Variants in MGAM observed in about 807,000 individuals in gnomAD.
MGAM encodes the protein alpha-1,4-glucosidase.
In MGAM, 253 loss-of-function variants were observed where a neutral mutation model predicts 358.8. The observed-to-expected ratio is 0.71, with a 90% CI of 0.64 to 0.78. MGAM has a LOEUF of 0.78. Among genes scored for constraint, MGAM ranks in the 30% least tolerant of loss-of-function variants. The pLI, the probability that MGAM is intolerant of heterozygous loss-of-function variation, is 0.00. For synonymous variants in MGAM, 1,105 were observed against 1,227.1 expected (o/e 0.90, Z 2.08); for missense variants, 3,080 against 3,432.6 (o/e 0.90, Z 2.57).
At chr7:142,090,590 C>T (rs1815289706) in intron 57 of MGAM, among the ~76,000 whole-genome samples, 1 of 145,782 alleles carries the variant, frequency 6.9e-6, no homozygotes, top group Admixed American at 6.9e-5. Context: ...CTTTTCTTGC[C>T]CTTTATGTAG....
intron 57 of MGAM, among the ~76,000 whole-genome samples, chr7:142,090,595 A>G (rs930755950): frequency 2.7e-5 from 4 of 145,534 alleles, no homozygotes; most frequent in African/African-American, 7.3e-5. Context: ...CTTGCCCTTT[A>G]TGTAGACATA....
At position 142,036,828 on chromosome 7, in the gene MGAM, G is replaced by T. The variant is rs1554466069; in HGVS notation, c.2082G>T (p.Gln694His). The T allele has an allele frequency of 6.2e-7, 1 of 1,613,230 alleles. No homozygotes were observed. Among genetic ancestry groups the T allele is most frequent in the Non-Finnish European group, 8.5e-7 (1 of 1,179,468 alleles). Residue 694 changes from glutamine (Q) to histidine (H), a missense_variant, in exon 18 of 71, where the codon CAG becomes CAT. Transcript: ENST00000475668. ...AAACTCCTATTTCCTCCCAGGACCA[G>T]GATCCTGCCTCCTTTGGAGCTGACT... is the stretch of plus-strand genomic sequence containing the variant. The part of the protein sequence containing the change: ...RNHNGQGYKD[Q>H]DPASFGADSL...
chr7:142,051,819 A>C (rs1250292780), intron 24 of MGAM, among the ~76,000 whole-genome samples: 1 of 152,144 alleles, frequency 6.6e-6, no homozygotes, highest in Non-Finnish European at 1.5e-5. Flanking sequence ...TTAAAAATTA[A>C]AAAAAGAAAT....
chr7:141,996,890 G>A (rs1804278307), intron 1 of MGAM, among the ~76,000 whole-genome samples: 1 of 152,080 alleles, frequency 6.6e-6, no homozygotes, highest in African/African-American at 2.4e-5. Context: ...TATCTGTCCT[G>A]GCAGTCATGT....
At chr7:142,009,983 A>G (rs1490223685) in intron 3 of MGAM, among the ~76,000 whole-genome samples, 6 of 152,170 alleles carry the variant, frequency 3.9e-5, no homozygotes, top group African/African-American at 1.4e-4. Context: ...TGTCGAAACC[A>G]TTGCTATATA....
intron 1 of MGAM, among the ~76,000 whole-genome samples, chr7:142,002,419 T>C (rs781796078): frequency 3.3e-5 from 5 of 152,050 alleles, no homozygotes; most frequent in Non-Finnish European, 4.4e-5. Flanking sequence ...TGATTCAACA[T>C]GCACAATTCC....
In MGAM at chr7:142,070,038, A is replaced by G. The variant is rs1428600818; in HGVS notation, c.5062-956A>G. Among the ~76,000 whole-genome samples, 16 of 144,454 alleles carry G rather than the reference A, an allele frequency of 1.1e-4. 1 individual carries two copies. Among genetic ancestry groups the G allele is most frequent in the Non-Finnish European group, 1.6e-5 (1 of 63,800 alleles). 94.8% of individuals were successfully genotyped at this position (144,454 alleles called of 152,430 possible). The stretch of plus-strand genomic sequence containing the variant: ...GAAACCCCATCTCTATGAAAAATAA[A>G]AACAATTAGCCGGGTGTAGGGGCAT... On this transcript the variant is annotated intron_variant, in intron 43 of 70. Coordinates refer to ENST00000475668, the MANE Select transcript of MGAM (RefSeq NM_001365693.1).
intron 37 of MGAM, 34 bp from the exon 38 acceptor site, chr7:142,065,301 T>G (rs2129043558): frequency 6.3e-7 from 1 of 1,595,494 alleles, no homozygotes; most frequent in African/African-American, 1.3e-5. Context: ...CCCTGGCTGT[T>G]GCCTCAGTTC....
At chr7:142,041,881 T>C (rs1808618723) in intron 21 of MGAM, among the ~76,000 whole-genome samples, 1 of 80,368 alleles carries the variant, frequency 1.2e-5, no homozygotes, top group Non-Finnish European at 2.3e-5. Flanking sequence ...ATTATATATA[T>C]ACGTATAATA....
Position 142,064,521 on chromosome 7 carries a change from G to A in MGAM, c.4483G>A (p.Glu1495Lys), listed in dbSNP as rs374771873. The A allele has an allele frequency of 1.5e-5, 23 of 1,571,400 alleles. No individual in the cohort carries two copies. The highest frequency in any genetic ancestry group is 9.4e-5 in the South Asian group (8 of 85,242). Reference sequence around the variant, plus strand: ...GTGGTCCCAGACCAGACCCACATACGAGTGAGTCTCCGTCTCCCTTCTCCA... The same window carrying A: ...GTGGTCCCAGACCAGACCCACATACAAGTGAGTCTCCGTCTCCCTTCTCCA... The part of the protein sequence containing the change: ...YGWSQTRPTY[E>K]AVQEVTGQRG... The change falls in exon 37 of 71, where the codon GAA becomes AAA. Residue 1495 changes from glutamate (E) to lysine (K), a missense_variant and splice_region_variant. Transcript: ENST00000475668.
chr7:142,059,610 G>C lies in MGAM; in HGVS notation c.3948+10G>C. On this transcript the variant is annotated intron_variant, in intron 32 of 70. Transcript: ENST00000475668. Reference sequence around the variant, plus strand: ...GGTCATCCTCATTCTGGTTAGTCCTGATGTGAATGTGTGCGGTCTGTTTGG... The same window carrying C: ...GGTCATCCTCATTCTGGTTAGTCCTCATGTGAATGTGTGCGGTCTGTTTGG... 1 of 1,611,900 alleles carries C rather than the reference G, an allele frequency of 6.2e-7. No homozygotes were observed. Among genetic ancestry groups the C allele is most frequent in the Non-Finnish European group, 8.5e-7 (1 of 1,178,256 alleles).
chr7:142,093,801 T>G (rs1162613129), intron 60 of MGAM, among the ~76,000 whole-genome samples: 1 of 146,042 alleles, frequency 6.8e-6, no homozygotes, highest in Non-Finnish European at 1.6e-5. Context: ...TGGGAAAGAC[T>G]CACATGGAGA....
rs186171437 is a variant in MGAM at position 142,037,087 on chromosome 7, T to C, written c.2231+110T>C. 1,863 of 1,075,142 alleles carry C rather than the reference T, an allele frequency of 1.7e-3. 3 individuals are homozygous for C. The highest frequency in any genetic ancestry group is 2.0e-3 in the Non-Finnish European group (1,445 of 730,632). 66.6% of individuals were successfully genotyped at this position (1,075,142 alleles called of 1,614,324 possible). On this transcript the variant is annotated intron_variant, in intron 18 of 70. Coordinates refer to ENST00000475668, the MANE Select transcript of MGAM (RefSeq NM_001365693.1). ...AACAATTCAGGCAGTTATTCATATC[T>C]ATCTGTATCTATATCTGTAATCTAG...
intron 22 of MGAM, among the ~76,000 whole-genome samples, chr7:142,048,384 G>A (rs1328491117): frequency 2.6e-5 from 4 of 151,708 alleles, no homozygotes; most frequent in African/African-American, 9.7e-5. Flanking sequence ...TCCTAAATTC[G>A]TAATCTGCCC....
rs143962819 is a variant in MGAM at position 142,005,973 on chromosome 7, G to A, written c.127+316G>A. ...CAATACCCTTATGTGAAAGGCAAGC[G>A]AGTATATGAGAGACTTCAAGCAGTT... On this transcript the variant is annotated intron_variant, in intron 2 of 70. Transcript: ENST00000475668. Among the ~76,000 whole-genome samples, 517 of 152,016 alleles carry A rather than the reference G, an allele frequency of 3.4e-3. 2 individuals are homozygous for A. Among genetic ancestry groups the A allele is most frequent in the Non-Finnish European group, 5.7e-3 (389 of 67,970 alleles).
Position 142,027,741 on chromosome 7 carries a change from C to A in MGAM, c.1221+6C>A. 1.9e-6 allele frequency: 3 copies of A among 1,589,554 alleles called. No homozygotes were observed. Among genetic ancestry groups the A allele is most frequent in the Non-Finnish European group, 2.6e-6 (3 of 1,167,612 alleles). Reference sequence around the variant, plus strand: ...GCGCAGCACAGCTCCCTTATGTAAGCAAGGTTTTCAACAGTTCTCCAAAAG... The same window carrying A: ...GCGCAGCACAGCTCCCTTATGTAAGAAAGGTTTTCAACAGTTCTCCAAAAG... On this transcript the variant is annotated splice_donor_region_variant and intron_variant, in intron 10 of 70. Transcript: ENST00000475668.
intron 12 of MGAM, 110 bp downstream of exon 12, chr7:142,030,867 C>T: frequency 5.6e-6 from 4 of 719,398 alleles, no homozygotes; most frequent in African/African-American, 1.8e-5. Context: ...TGTACATTTT[C>T]AGTATATTTA....
At chr7:142,051,530 A>G (rs975092937) in intron 24 of MGAM, among the ~76,000 whole-genome samples, 16 of 152,202 alleles carry the variant, frequency 1.1e-4, no homozygotes, top group Non-Finnish European at 1.5e-4. Context: ...TAAGAAAACT[A>G]TATAGAAAAA....
chr7:142,077,492 A>G (rs10259861), intron 47 of MGAM, among the ~76,000 whole-genome samples: 2,230 of 146,084 alleles, frequency 0.015, 135 homozygotes, highest in African/African-American at 0.051. Context: ...CTAGAGAAGC[A>G]TCAAAGATAA....
Sources: allele counts gnomAD v4.1 joint callset (sites outside exome capture counted in the v4.1 genomes callset), GRCh38; gene constraint gnomAD v4.1.1; transcripts MANE v1.5; gene names NCBI Gene and HGNC (gene_info 2026-07-23, HGNC 2026-07-21).